Variants in DAB2 observed in about 807,000 individuals in gnomAD.
DAB2 encodes DAB adaptor protein 2.
Under a neutral mutation model 71.6 loss-of-function variants are expected in DAB2, and 28 were observed. That is an observed-to-expected ratio of 0.39 (90% CI 0.29 to 0.54). The LOEUF (loss-of-function observed/expected upper bound fraction) is 0.54. Ranked by LOEUF, DAB2 falls within the 20% of genes least tolerant of loss-of-function variation. The pLI is 0.68. For missense variants in DAB2, 867 were observed against 928.8 expected (o/e 0.93, Z 0.86); for synonymous variants, 345 against 339.7 (o/e 1.02, Z -0.17).
At chr5:39,424,781 A>G (rs1756067604) in intron 1 of DAB2, 23 bp downstream of exon 1, 1 of 152,182 alleles carries the variant, frequency 6.6e-6, no homozygotes, top group African/African-American at 2.4e-5. Flanking sequence ...GCCAGAGGGA[A>G]GAAGGGTTTC....
chr5:39,419,267 T>C (rs1216774703), intron 1 of DAB2, among the ~76,000 whole-genome samples: 1 of 152,204 alleles, frequency 6.6e-6, no homozygotes, highest in African/African-American at 2.4e-5. Context: ...AGGAAGACTT[T>C]TGTTTTGATT....
chr5:39,375,889 A>AAAT (rs1579897052), intron 13 of DAB2, 108 bp downstream of exon 13: 1 of 866,918 alleles, frequency 1.2e-6, no homozygotes, highest in African/African-American at 1.7e-5. Context: ...CTGTCTTAAA[A>AAAT]AAATAAATAA....
At position 39,383,247 on chromosome 5, in the gene DAB2, C is replaced by T; in HGVS notation, c.712G>A (p.Asp238Asn). The change falls in exon 10 of 15, where the codon GAT (aspartate) becomes AAT (asparagine). Residue 238 changes from aspartate to asparagine, a missense_variant. Transcript: ENST00000320816. ...PTESKDILLV[D>N]LNSEIDTNQN... ...TTGGTGTCGATTTCAGAGTTTAGAT[C>T]CACTAACAGGATATCTTTGCTTTCC... is the stretch of plus-strand genomic sequence containing the variant. The T allele has an allele frequency of 6.2e-7, 1 of 1,611,258 alleles. No homozygotes were observed. The highest frequency in any genetic ancestry group is 8.5e-7 in the Non-Finnish European group (1 of 1,178,084).
rs752280935 is a variant in DAB2, at chr5:39,376,806, G to A, written c.1981C>T (p.Arg661Trp). The change falls in exon 12 of 15, where the codon CGG becomes TGG. Residue 661 changes from arginine to tryptophan, a missense_variant. By Grantham distance (101) the Arg-to-Trp change is moderately radical (BLOSUM62 -3). Around this residue, in one of 2 missense-constraint regions of DAB2, gnomAD observed 740 missense variants for 734.3 expected, o/e 1.01. Coordinates refer to ENST00000320816, the MANE Select transcript of DAB2 (RefSeq NM_001343.4). ...CGCGCGGGCACAGCAGGTGGCTGCC[G>A]CAGTTGGAAATCCTTAAACATTTCT... ...VKEMFKDFQL[R>W]QPPAVPARKG... 1.7e-5 allele frequency: 28 copies of A among 1,613,960 alleles called. No individual in the cohort carries two copies. The highest frequency in any genetic ancestry group is 5.0e-5 in the Admixed American group (3 of 59,984).
intron 1 of DAB2, among the ~76,000 whole-genome samples, chr5:39,398,694 G>A (rs1645348949): frequency 6.6e-6 from 1 of 152,126 alleles, no homozygotes. Flanking sequence ...CAAAAAAAAT[G>A]TTCAAGACTT....
At chr5:39,395,937 CTTTTTTTTTT>C (rs3024228) in intron 1 of DAB2, among the ~76,000 whole-genome samples, 4 of 74,858 alleles carry the variant, frequency 5.3e-5, no homozygotes, top group Non-Finnish European at 9.2e-5. Context: ...CACAGATATT[CTTTTTTTTTT>C]TTTTTTTTTT....
rs544839206 is a variant in DAB2, at chr5:39,388,427, T to C, written c.625-60A>G. On this transcript the variant is annotated intron_variant, in intron 8 of 14. Coordinates refer to ENST00000320816, the MANE Select transcript of DAB2 (RefSeq NM_001343.4). ...CTACTAAAAAAGATTACTTCGTATA[T>C]TGTAATCATTTGTTTCCTAAAGTTT... 65 of 1,128,736 alleles carry C rather than the reference T, an allele frequency of 5.8e-5. No individual in the cohort carries two copies. The South Asian group carries it at 7.9e-4, about 14-fold the overall frequency. 69.9% of individuals were successfully genotyped at this position (1,128,736 alleles called of 1,614,324 possible).
At chr5:39,398,652 G>A (rs1407761816) in intron 1 of DAB2, among the ~76,000 whole-genome samples, 1 of 152,074 alleles carries the variant, frequency 6.6e-6, no homozygotes, top group Non-Finnish European at 1.5e-5. Flanking sequence ...GGTAGACTCT[G>A]CTTACAGGCC....
chr5:39,402,030 G>A (rs1168266312), intron 1 of DAB2, among the ~76,000 whole-genome samples: 5 of 152,080 alleles, frequency 3.3e-5, no homozygotes, highest in Admixed American at 1.3e-4. Context: ...TGAAAGGCAC[G>A]TCTTACATGG....
intron 9 of DAB2, chr5:39,385,203 T>C (rs1314443491): frequency 6.6e-6 from 1 of 152,094 alleles, no homozygotes; most frequent in African/African-American, 2.4e-5. Flanking sequence ...ATCAGAGAAA[T>C]GGATTGGAAG....
chr5:39,392,526 A>C, intron 3 of DAB2, 63 bp from the exon 4 acceptor site: 1 of 1,267,178 alleles, frequency 7.9e-7, no homozygotes, highest in Non-Finnish European at 1.1e-6. Flanking sequence ...TGGTTTTAAT[A>C]TTAAAATTTT....
intron 11 of DAB2, among the ~76,000 whole-genome samples, chr5:39,377,549 C>T (rs371264664): frequency 5.8e-4 from 89 of 152,218 alleles, no homozygotes; most frequent in African/African-American, 2.0e-3. Context: ...AAGGGTAGTA[C>T]GGTCCATAAG....
intron 1 of DAB2, among the ~76,000 whole-genome samples, chr5:39,398,274 T>C (rs974498078): frequency 3.3e-5 from 5 of 152,142 alleles, no homozygotes; most frequent in Non-Finnish European, 7.4e-5. Context: ...AAGACGTAGC[T>C]GAAGACCAGG....
At chr5:39,409,087 T>C (rs1755666338) in intron 1 of DAB2, among the ~76,000 whole-genome samples, 2 of 151,328 alleles carry the variant, frequency 1.3e-5, no homozygotes, top group East Asian at 2.0e-4. Context: ...AAAGAAGGCC[T>C]CCCAATAGTT....
chr5:39,408,352 C>A (rs372305595), intron 1 of DAB2: 1 of 152,166 alleles, frequency 6.6e-6, no homozygotes, highest in African/African-American at 2.4e-5. Flanking sequence ...TTCTAGGTGG[C>A]ATGTCCTTTG....
At chr5:39,374,316 T>C (rs1305649645) in intron 14 of DAB2, among the ~76,000 whole-genome samples, 1 of 142,242 alleles carries the variant, frequency 7.0e-6, no homozygotes, top group Non-Finnish European at 1.6e-5. Context: ...ATTCAGTCTT[T>C]TGAGATCAGA....
chr5:39,404,286 C>T (rs919249277), intron 1 of DAB2, among the ~76,000 whole-genome samples: 3 of 149,856 alleles, frequency 2.0e-5, no homozygotes, highest in African/African-American at 7.4e-5. Flanking sequence ...GGAGATATAC[C>T]TAATGTTAAA....
Position 39,403,716 on chromosome 5 carries a change from A to T in DAB2, c.-101-9295T>A, listed in dbSNP as rs1171774462. 3.3e-4 allele frequency among the ~76,000 whole-genome samples: 45 copies of T among 135,276 alleles called. No individual in the cohort carries two copies. In the South Asian group the frequency reaches 8.1e-3, roughly 24 times the overall value. 88.7% of individuals were successfully genotyped at this position (135,276 alleles called of 152,430 possible). On this transcript the variant is annotated intron_variant, in intron 1 of 14. Transcript: ENST00000320816. ...GCCTTTTAGTTTTAGTTTTTTTGGAATTTTTTTTTTTTTTTTTGAGCATGA... is the reference window on the plus strand; with the variant it reads ...GCCTTTTAGTTTTAGTTTTTTTGGATTTTTTTTTTTTTTTTTTGAGCATGA...
chr5:39,386,787 T>C (rs1579906567), intron 9 of DAB2, among the ~76,000 whole-genome samples: 1 of 152,328 alleles, frequency 6.6e-6, no homozygotes, highest in African/African-American at 2.4e-5. Flanking sequence ...ATATTACTTG[T>C]TTGAATGTCA....
Sources: allele counts gnomAD v4.1 joint callset (sites outside exome capture counted in the v4.1 genomes callset), GRCh38; gene constraint gnomAD v4.1.1; regional missense constraint gnomAD v4.1.1; transcripts MANE v1.5; gene names NCBI Gene and HGNC (gene_info 2026-07-23, HGNC 2026-07-21).